Variants in EPSTI1 observed in about 807,000 individuals in gnomAD.
The protein encoded by EPSTI1 is epithelial-stromal interaction protein 1.
In EPSTI1, 66 loss-of-function variants were observed where a neutral mutation model predicts 49.9. That is an observed-to-expected ratio of 1.32 (90% CI 1.08 to 1.62). The LOEUF (loss-of-function observed/expected upper bound fraction) is 1.62, where lower values mean the gene tolerates loss of function less well. Ranked by LOEUF, EPSTI1 falls within the 40% of genes most tolerant of loss-of-function variation. The probability of loss-of-function intolerance (pLI) is 0.00; values close to 1 mark genes in which losing one functional copy is unlikely to be tolerated. For missense variants in EPSTI1, 394 were observed against 365.5 expected (o/e 1.08, Z -0.64); for synonymous variants, 137 against 130.7 (o/e 1.05, Z -0.33).
intron 6 of EPSTI1, among the ~76,000 whole-genome samples, chr13:42,946,025 C>T (rs143911665): frequency 1.8e-4 from 27 of 152,232 alleles, no homozygotes; most frequent in African/African-American, 6.5e-4. Context: ...AAATTCAAGG[C>T]TGGATTTAAG....
intron 8 of EPSTI1, among the ~76,000 whole-genome samples, chr13:42,915,611 A>G (rs1232141685): frequency 6.6e-6 from 1 of 152,232 alleles, no homozygotes; most frequent in African/African-American, 2.4e-5. Context: ...AAAGTAAGGT[A>G]GAATAGATGG....
At chr13:42,941,544 C>T (rs2038749098) in intron 6 of EPSTI1, among the ~76,000 whole-genome samples, 1 of 150,482 alleles carries the variant, frequency 6.6e-6, no homozygotes, top group African/African-American at 2.4e-5. Flanking sequence ...TGCTCAAGCC[C>T]AGGAGGTCAA....
At position 42,888,162 on chromosome 13, in the gene EPSTI1, G is replaced by A. The variant is rs2153406652; in HGVS notation, c.*332C>T. 6.8e-7 allele frequency: 1 copy of A among 1,460,224 alleles called. No homozygotes were observed. The allele number at this position is 1,460,224 out of a possible 1,614,324, so 90.5% of individuals were successfully genotyped here. A position where few individuals can be genotyped will look rare whatever the true frequency, so the allele number is the denominator to read the frequency against. ...ATATGTCACTTAGAAAGACAAGCCT[G>A]TAGCACCCATAGCTCTGATTAACCT... On this transcript the variant is annotated 3_prime_UTR_variant, in exon 11 of 11. Transcript: ENST00000313624.
intron 5 of EPSTI1, among the ~76,000 whole-genome samples, chr13:42,957,217 C>T (rs958312878): frequency 5.9e-5 from 9 of 152,168 alleles, no homozygotes; most frequent in African/African-American, 2.2e-4. Flanking sequence ...TTAAGAGCAC[C>T]AGAATGAACA....
At chr13:42,930,390 T>G (rs2038322312) in intron 6 of EPSTI1, among the ~76,000 whole-genome samples, 1 of 152,240 alleles carries the variant, frequency 6.6e-6, no homozygotes, top group East Asian at 1.9e-4. Flanking sequence ...AAAGAAGTAT[T>G]ATTTTGCTTA....
chr13:42,888,271 T>C lies in EPSTI1; in HGVS notation c.*223A>G. The C allele has an allele frequency of 6.2e-7, 1 of 1,613,474 alleles. No individual in the cohort carries two copies. ...CCAATTAGAAAAATAATGTAGCATT[T>C]CCCTGGCAGTAGAGATTAAATATGA... On this transcript the variant is annotated 3_prime_UTR_variant, in exon 11 of 11. Coordinates refer to ENST00000313624, the MANE Select transcript of EPSTI1 (RefSeq NM_033255.5).
chr13:42,958,064 G>A (rs1017108199), intron 5 of EPSTI1, among the ~76,000 whole-genome samples: 2 of 152,044 alleles, frequency 1.3e-5, no homozygotes, highest in African/African-American at 4.8e-5. Flanking sequence ...GAATCACTCC[G>A]CCCAGCTGGA....
intron 3 of EPSTI1, among the ~76,000 whole-genome samples, chr13:42,965,713 C>G (rs1453398482): frequency 9.0e-4 from 5 of 5,542 alleles, no homozygotes; most frequent in African/African-American, 2.1e-3. Context: ...CTCCCTCTCC[C>G]TCTCCCTCTC....
At chr13:42,926,611 G>A (rs566575735) in intron 6 of EPSTI1, among the ~76,000 whole-genome samples, 182 bp from the exon 7 acceptor site, 1 of 152,246 alleles carries the variant, frequency 6.6e-6, no homozygotes, top group South Asian at 2.1e-4. Context: ...TTGCAAGATT[G>A]CATTCTTCAA....
rs1025567406 is a variant in EPSTI1 at position 42,911,047 on chromosome 13, T to C, written c.741+6494A>G. Among the ~76,000 whole-genome samples, 12 of 152,358 alleles carry C rather than the reference T, an allele frequency of 7.9e-5. No individual in the cohort carries two copies. In the East Asian group the frequency reaches 2.3e-3, roughly 29 times the overall value. On this transcript the variant is annotated intron_variant, in intron 8 of 10. Coordinates refer to ENST00000313624, the MANE Select transcript of EPSTI1 (RefSeq NM_033255.5). ...CCAAATATTCTTGTCACATGACCTATCCTATTGCAGTGATAAGATATAAAA... is the reference window on the plus strand; with the variant it reads ...CCAAATATTCTTGTCACATGACCTACCCTATTGCAGTGATAAGATATAAAA...
intron 10 of EPSTI1, among the ~76,000 whole-genome samples, chr13:42,893,691 C>A (rs1202560286): frequency 1.3e-5 from 2 of 152,206 alleles, no homozygotes; most frequent in Non-Finnish European, 2.9e-5. Context: ...CTCCCATCAT[C>A]TTCCCCTCAG....
At chr13:42,959,615 GCA>G in intron 5 of EPSTI1, among the ~76,000 whole-genome samples, 1 of 152,254 alleles carries the variant, frequency 6.6e-6, no homozygotes, top group South Asian at 2.1e-4. Flanking sequence ...TCACCGTATA[GCA>G]TTAAAACTAA....
intron 6 of EPSTI1, among the ~76,000 whole-genome samples, chr13:42,943,717 A>G (rs1240799796): frequency 2.6e-5 from 4 of 152,188 alleles, no homozygotes; most frequent in Admixed American, 2.0e-4. Flanking sequence ...ACAGAGAAAG[A>G]CAAAAACTGG....
At chr13:42,970,299 G>A (rs1294688945) in intron 2 of EPSTI1, 4 of 237,542 alleles carry the variant, frequency 1.7e-5, no homozygotes, top group Non-Finnish European at 3.2e-5. Flanking sequence ...AGTACAGAGA[G>A]CACAAAAACG....
At chr13:42,920,088 C>A (rs571692494) in intron 7 of EPSTI1, among the ~76,000 whole-genome samples, 1 of 152,238 alleles carries the variant, frequency 6.6e-6, no homozygotes, top group South Asian at 2.1e-4. Context: ...AGACACTTTT[C>A]ATAATGAATT....
intron 6 of EPSTI1, among the ~76,000 whole-genome samples, chr13:42,933,317 A>G (rs1429970797): frequency 6.6e-6 from 1 of 151,284 alleles, no homozygotes; most frequent in Non-Finnish European, 1.5e-5. Context: ...AAAAGTAAAA[A>G]AAAAAAAAAA....
At chr13:42,912,875 T>C (rs1310558411) in intron 8 of EPSTI1, among the ~76,000 whole-genome samples, 4 of 151,490 alleles carry the variant, frequency 2.6e-5, no homozygotes, top group African/African-American at 7.3e-5. Flanking sequence ...TGAAGTTATA[T>C]ACAGAACAGA....
At chr13:42,895,524 A>T (rs972727334) in intron 9 of EPSTI1, among the ~76,000 whole-genome samples, 2 of 152,198 alleles carry the variant, frequency 1.3e-5, no homozygotes, top group African/African-American at 4.8e-5. Flanking sequence ...TGCAAGATAG[A>T]TGTCCTTCCT....
intron 1 of EPSTI1, among the ~76,000 whole-genome samples, chr13:42,989,955 T>C (rs2040165311): frequency 6.6e-6 from 1 of 152,072 alleles, no homozygotes; most frequent in Non-Finnish European, 1.5e-5. Context: ...TAAAGCCTTC[T>C]TTATTTTGGG....
Sources: allele counts gnomAD v4.1 joint callset (sites outside exome capture counted in the v4.1 genomes callset), GRCh38; gene constraint gnomAD v4.1.1; transcripts MANE v1.5; gene names NCBI Gene and HGNC (gene_info 2026-07-23, HGNC 2026-07-21).